EPHA6: variants seen among roughly 807,000 people sequenced by gnomAD.
The protein encoded by EPHA6 is ephrin type-A receptor 6.
A neutral mutation model predicts 112.0 loss-of-function variants in EPHA6; 50 were observed. The ratio of observed to expected loss-of-function variants is 0.45; its 90% CI spans 0.36 to 0.56. The LOEUF (loss-of-function observed/expected upper bound fraction) is 0.56. Among genes scored for constraint, EPHA6 ranks in the 20% least tolerant of loss-of-function variants. The pLI is 0.00. For missense variants in EPHA6, 1,280 were observed against 1,417.4 expected (o/e 0.90, Z 1.56); for synonymous variants, 529 against 490.7 (o/e 1.08, Z -1.03).
intron 3 of EPHA6, among the ~76,000 whole-genome samples, chr3:97,107,302 C>T (rs904377135): frequency 3.3e-5 from 5 of 151,952 alleles, no homozygotes; most frequent in Non-Finnish European, 4.4e-5. Context: ...GCATTTTCAT[C>T]GGCCTTCTTA....
rs768114448 is a variant in EPHA6 at position 97,472,620 on chromosome 3, A to G, written c.1895-2732A>G. On this transcript the variant is annotated intron_variant, in intron 7 of 17. Transcript: ENST00000389672. ...ATAAAACGCAAAAATTATCCCCATC[A>G]GGACCAAGCTCCTGAGTGTTTTTAT... Among the ~76,000 whole-genome samples, 46 of 151,932 alleles carry G rather than the reference A, an allele frequency of 3.0e-4. No individual in the cohort carries two copies. The Middle Eastern group carries it at 0.01, about 34-fold the overall frequency.
intron 5 of EPHA6, among the ~76,000 whole-genome samples, chr3:97,365,847 T>A (rs1263332449): frequency 6.6e-6 from 1 of 152,222 alleles, no homozygotes; most frequent in African/African-American, 2.4e-5. Flanking sequence ...TTAGAACTAG[T>A]CTGTTTTGAT....
rs2032209661 is a variant in EPHA6 at position 97,685,879 on chromosome 3, T to A, written c.2785-34382T>A. 2.0e-5 allele frequency among the ~76,000 whole-genome samples: 3 copies of A among 152,076 alleles called. No individual in the cohort carries two copies. The South Asian group carries it at 6.2e-4, about 31-fold the overall frequency. On this transcript the variant is annotated intron_variant, in intron 14 of 17. Transcript: ENST00000389672. ...AGATTACACAATAATCAAATGCAAA[T>A]CTAAGATTCATATCTAGGATCAAGT... is the stretch of plus-strand genomic sequence containing the variant.
At chr3:97,324,480 GTC>G (rs2082314507) in intron 5 of EPHA6, among the ~76,000 whole-genome samples, 1 of 41,514 alleles carries the variant, frequency 2.4e-5, no homozygotes. Flanking sequence ...TTTTTCTTTC[GTC>G]TCTTTCTCTT....
At position 97,729,775 on chromosome 3, in the gene EPHA6, T is replaced by A. The variant is rs529774277; in HGVS notation, c.2935-6150T>A. The stretch of plus-strand genomic sequence containing the variant: ...ACCAGGAAAATACATTACCAGTGTT[T>A]TCAGTGTTATTGTATTATGAATATA... On this transcript the variant is annotated intron_variant, in intron 15 of 17. Transcript: ENST00000389672. 2.6e-5 allele frequency among the ~76,000 whole-genome samples: 4 copies of A among 152,144 alleles called. No individual in the cohort carries two copies. The South Asian group carries it at 6.2e-4, about 24-fold the overall frequency.
At chr3:97,096,355 T>A (rs2047239099) in intron 3 of EPHA6, among the ~76,000 whole-genome samples, 1 of 151,796 alleles carries the variant, frequency 6.6e-6, no homozygotes, top group Non-Finnish European at 1.5e-5. Context: ...ATAGGAAATA[T>A]GAGTAGTTTA....
intron 9 of EPHA6, chr3:97,481,279 T>A (rs1009552763): frequency 1.3e-6 from 2 of 1,509,758 alleles, no homozygotes; most frequent in Admixed American, 3.4e-5. Context: ...AAATAATGAA[T>A]GTTTTCATAA....
At chr3:97,670,110 A>G (rs1298757954) in intron 14 of EPHA6, among the ~76,000 whole-genome samples, 1 of 152,206 alleles carries the variant, frequency 6.6e-6, no homozygotes, top group African/African-American at 2.4e-5. Flanking sequence ...TAGCTATAAT[A>G]TCCACCAACC....
At chr3:97,368,152 G>A (rs1246637783) in intron 5 of EPHA6, among the ~76,000 whole-genome samples, 1 of 152,122 alleles carries the variant, frequency 6.6e-6, no homozygotes, top group Non-Finnish European at 1.5e-5. Context: ...AGAATTGAAT[G>A]CCAGAAACTA....
chr3:97,392,620 AC>A (rs1297592983), intron 5 of EPHA6, among the ~76,000 whole-genome samples: 2 of 151,694 alleles, frequency 1.3e-5, no homozygotes, highest in African/African-American at 4.8e-5. Flanking sequence ...CTGTTTCTAA[AC>A]TTTTTACAAA....
At chr3:97,734,900 A>G (rs936203497) in intron 15 of EPHA6, among the ~76,000 whole-genome samples, 35 of 152,010 alleles carry the variant, frequency 2.3e-4, no homozygotes, top group Non-Finnish European at 4.9e-4. Flanking sequence ...ACATAAATTC[A>G]GGGTCAGTAT....
intron 1 of EPHA6, among the ~76,000 whole-genome samples, chr3:96,829,947 GCGCA>G (rs1553713397): frequency 2.8e-5 from 2 of 70,460 alleles, no homozygotes; most frequent in African/African-American, 4.4e-5. Context: ...GTGCGCGCGC[GCGCA>G]CACACACACA....
At chr3:97,406,127 C>T (rs2109132888) in intron 6 of EPHA6, among the ~76,000 whole-genome samples, 2 of 152,190 alleles carry the variant, frequency 1.3e-5, no homozygotes, top group Admixed American at 6.6e-5. Flanking sequence ...GCATTTCTGT[C>T]CCTTACTAGA....
At chr3:96,817,040 A>G (rs1258806029) in intron 1 of EPHA6, among the ~76,000 whole-genome samples, 2 of 152,028 alleles carry the variant, frequency 1.3e-5, no homozygotes, top group African/African-American at 4.8e-5. Flanking sequence ...AAGATTGTCT[A>G]CTTAAACTCT....
intron 5 of EPHA6, among the ~76,000 whole-genome samples, chr3:97,344,514 G>C (rs960850216): frequency 1.3e-5 from 2 of 152,126 alleles, no homozygotes; most frequent in Non-Finnish European, 1.5e-5. Context: ...AGGATACAGG[G>C]AGAAGGTAGC....
At chr3:96,840,098 T>C (rs1194142263) in intron 1 of EPHA6, among the ~76,000 whole-genome samples, 2 of 152,020 alleles carry the variant, frequency 1.3e-5, no homozygotes, top group Non-Finnish European at 2.9e-5. Flanking sequence ...AGGTAATGAG[T>C]GACACTTAGC....
intron 14 of EPHA6, among the ~76,000 whole-genome samples, chr3:97,706,789 G>GTT (rs560962263): frequency 1.2e-4 from 17 of 136,486 alleles, no homozygotes; most frequent in African/African-American, 3.6e-4. Flanking sequence ...TTGTTTTGTT[G>GTT]TTTTTTTTTT....
intron 3 of EPHA6, among the ~76,000 whole-genome samples, chr3:97,009,313 T>TCC (rs1349118631): frequency 6.6e-6 from 1 of 152,160 alleles, no homozygotes; most frequent in Non-Finnish European, 1.5e-5. Flanking sequence ...TGGCTGGAGT[T>TCC]ACTGGAGATC....
intron 2 of EPHA6, among the ~76,000 whole-genome samples, chr3:96,940,892 A>T (rs966124029): frequency 1.3e-5 from 2 of 152,174 alleles, no homozygotes; most frequent in East Asian, 3.9e-4. Context: ...TTCTGGGTTG[A>T]AAATTCTTTT....
Sources: allele counts gnomAD v4.1 joint callset (sites outside exome capture counted in the v4.1 genomes callset), GRCh38; gene constraint gnomAD v4.1.1; transcripts MANE v1.5; gene names NCBI Gene and HGNC (gene_info 2026-07-23, HGNC 2026-07-21).